NPAS3: variants seen among roughly 807,000 people sequenced by gnomAD.
NPAS3 encodes the protein neuronal PAS domain-containing protein 3.
Under a neutral mutation model 73.1 loss-of-function variants are expected in NPAS3, and 14 were observed. That is an observed-to-expected ratio of 0.19 (90% confidence interval 0.13 to 0.30). NPAS3 has a LOEUF of 0.30. NPAS3 is among the 10% of genes least tolerant of loss of function. The pLI is 1.00. For missense variants in NPAS3, 1,096 were observed against 1,250.0 expected, an observed-to-expected ratio of 0.88 and a Z score of 1.86; for synonymous variants, 620 against 541.5, an observed-to-expected ratio of 1.14 and a Z score of -2.01.
intron 5 of NPAS3, among the ~76,000 whole-genome samples, chr14:33,637,303 G>T (rs1340785113): frequency 3.9e-5 from 6 of 152,150 alleles, no homozygotes; most frequent in Non-Finnish European, 8.8e-5. Flanking sequence ...TCTGGCATAT[G>T]ATTTCTAATT....
intron 2 of NPAS3, among the ~76,000 whole-genome samples, chr14:33,101,132 G>GC (rs1205690826): frequency 6.6e-6 from 1 of 151,884 alleles, no homozygotes; most frequent in Admixed American, 6.6e-5. Flanking sequence ...TCACCGCCCT[G>GC]CCCCCCACAC....
chr14:33,320,834 A>G (rs956447576), intron 3 of NPAS3, among the ~76,000 whole-genome samples: 10 of 152,248 alleles, frequency 6.6e-5, no homozygotes, highest in African/African-American at 2.4e-4. Context: ...CCATTTTGTT[A>G]ATTCATTGTT....
Position 33,334,254 on chromosome 14 carries a change from A to G in NPAS3, c.386-32932A>G, listed in dbSNP as rs2044114341. 2.0e-5 allele frequency among the ~76,000 whole-genome samples: 3 copies of G among 152,078 alleles called. No individual in the cohort carries two copies. In the South Asian group the frequency reaches 6.2e-4, roughly 32 times the overall value. ...GTATATTTTATATACTGTGCAATTC[A>G]CTGATTATAAGTGTATGGTTAGAAA... On this transcript the variant is annotated intron_variant, in intron 3 of 11. Coordinates refer to ENST00000356141, the Ensembl canonical transcript of NPAS3.
At chr14:33,316,055 T>G (rs1348369156) in intron 3 of NPAS3, among the ~76,000 whole-genome samples, 1 of 152,120 alleles carries the variant, frequency 6.6e-6, no homozygotes, top group Non-Finnish European at 1.5e-5. Flanking sequence ...CATGTTCCTG[T>G]GAGAAATTAT....
At chr14:32,994,136 AGAT>A (rs1423148575) in intron 1 of NPAS3, among the ~76,000 whole-genome samples, 1 of 152,242 alleles carries the variant, frequency 6.6e-6, no homozygotes, top group African/African-American at 2.4e-5. Flanking sequence ...AAGGGGGTAT[AGAT>A]GATGGACTGT....
intron 7 of NPAS3, among the ~76,000 whole-genome samples, chr14:33,743,546 T>A (rs1264516300): frequency 6.6e-6 from 1 of 152,198 alleles, no homozygotes; most frequent in Non-Finnish European, 1.5e-5. Context: ...AAAGCATAAT[T>A]CTTAAGAGCC....
intron 2 of NPAS3, among the ~76,000 whole-genome samples, chr14:33,066,979 A>G (rs573496740): frequency 6.6e-6 from 1 of 152,300 alleles, no homozygotes; most frequent in African/African-American, 2.4e-5. Context: ...ATTGTAATTG[A>G]CCCAAGCAAC....
intron 4 of NPAS3, among the ~76,000 whole-genome samples, chr14:33,493,171 G>A (rs951336391): frequency 1.3e-5 from 2 of 152,044 alleles, no homozygotes; most frequent in Non-Finnish European, 2.9e-5. Context: ...CATCATTTTG[G>A]TGGCAAATTA....
At chr14:33,631,694 C>A (rs1436723944) in intron 5 of NPAS3, among the ~76,000 whole-genome samples, 1 of 152,154 alleles carries the variant, frequency 6.6e-6, no homozygotes, top group Non-Finnish European at 1.5e-5. Context: ...AGGAATTCTG[C>A]AGGCAGCATT....
At chr14:33,747,211 G>A (rs1020681030) in intron 7 of NPAS3, among the ~76,000 whole-genome samples, 6 of 152,012 alleles carry the variant, frequency 3.9e-5, no homozygotes, top group Non-Finnish European at 7.4e-5. Flanking sequence ...ATGATAGACT[G>A]GATTAAGAAA....
intron 3 of NPAS3, among the ~76,000 whole-genome samples, chr14:33,281,755 A>T (rs2041622065): frequency 6.6e-6 from 1 of 152,198 alleles, no homozygotes; most frequent in Non-Finnish European, 1.5e-5. Flanking sequence ...GGTAAAAAAC[A>T]TTCATAATAA....
chr14:33,396,447 A>G (rs1368229637), intron 4 of NPAS3, among the ~76,000 whole-genome samples: 2 of 152,296 alleles, frequency 1.3e-5, no homozygotes, highest in East Asian at 1.9e-4. Context: ...TGGCTCCTCA[A>G]TCCATTAAGT....
At chr14:33,525,454 C>A (rs994161180) in intron 4 of NPAS3, among the ~76,000 whole-genome samples, 4 of 152,052 alleles carry the variant, frequency 2.6e-5, no homozygotes, top group African/African-American at 9.7e-5. Flanking sequence ...GTAATAATGC[C>A]CTTGCAATCA....
At chr14:33,462,025 G>A (rs1276765599) in intron 4 of NPAS3, among the ~76,000 whole-genome samples, 2 of 152,224 alleles carry the variant, frequency 1.3e-5, no homozygotes, top group East Asian at 3.8e-4. Context: ...TTCAGCCACA[G>A]ATAATGGCAA....
At chr14:33,608,194 A>T (rs934953012) in intron 5 of NPAS3, among the ~76,000 whole-genome samples, 4 of 152,188 alleles carry the variant, frequency 2.6e-5, no homozygotes, top group African/African-American at 9.6e-5. Flanking sequence ...TAGAAAACCT[A>T]TTAGGTTCAC....
intron 1 of NPAS3, among the ~76,000 whole-genome samples, chr14:32,975,894 T>A (rs10162478): frequency 0.3 from 41,532 of 139,230 alleles, 6,461 homozygotes; most frequent in African/African-American, 0.44. Flanking sequence ...TGTGTGTGTG[T>A]GTGAGAGAGA....
At chr14:33,464,343 G>A (rs1330712139) in intron 4 of NPAS3, among the ~76,000 whole-genome samples, 4 of 152,020 alleles carry the variant, frequency 2.6e-5, no homozygotes, top group East Asian at 1.9e-4. Context: ...ATGAATCGGC[G>A]TTAACTCATG....
chr14:33,282,253 G>C (rs2041658071), intron 3 of NPAS3, among the ~76,000 whole-genome samples: 1 of 152,196 alleles, frequency 6.6e-6, no homozygotes, highest in Non-Finnish European at 1.5e-5. Flanking sequence ...TTGATTCCAA[G>C]GCTTTGTGCC....
chr14:33,793,778 C>T, intron 9 of NPAS3, 119 bp from the exon 10 acceptor site: 1 of 851,010 alleles, frequency 1.2e-6, no homozygotes, highest in Non-Finnish European at 1.8e-6. Context: ...AGAGGGTCAC[C>T]CTGGCTTGGT....
Sources: allele counts gnomAD v4.1 joint callset (sites outside exome capture counted in the v4.1 genomes callset), GRCh38; gene constraint gnomAD v4.1.1; transcripts MANE v1.5; gene names NCBI Gene and HGNC (gene_info 2026-07-23, HGNC 2026-07-21).